JMJD7: variants seen among roughly 807,000 people sequenced by gnomAD.
The protein encoded by JMJD7 is jumonji domain containing 7.
JMJD7 carries 41 observed loss-of-function variants against 41.1 expected under a neutral mutation model. The ratio of observed to expected loss-of-function variants is 1.00; its 90% CI spans 0.78 to 1.30. JMJD7 has a LOEUF of 1.30. Ranked by LOEUF, JMJD7 falls within the 50% of genes most tolerant of loss-of-function variation. The pLI, the probability that JMJD7 is intolerant of heterozygous loss-of-function variation, is 0.00. For missense variants in JMJD7, 480 were observed against 420.7 expected (o/e 1.14, Z -1.23); for synonymous variants, 202 against 177.2 (o/e 1.14, Z -1.11).
chr15:41,836,755 C>T (rs75353815), intron 6 of JMJD7, 26 bp from the exon 7 acceptor site: 5 of 1,583,174 alleles, frequency 3.2e-6, no homozygotes, highest in Non-Finnish European at 4.3e-6. Flanking sequence ...TGGGGGGCTG[C>T]TCCCTGGCAT....
chr15:41,830,351 C>T (rs2065211667), intron 1 of JMJD7, among the ~76,000 whole-genome samples: 2 of 152,368 alleles, frequency 1.3e-5, no homozygotes, highest in South Asian at 2.1e-4. Flanking sequence ...CTACTAGGCT[C>T]ATTTGTTTGG....
intron 5 of JMJD7, 69 bp downstream of exon 5, chr15:41,836,312 C>G: frequency 6.3e-7 from 1 of 1,594,850 alleles, no homozygotes; most frequent in Non-Finnish European, 8.6e-7. Context: ...GCAGCAAGAG[C>G]CTGGGAGGCC....
chr15:41,836,250 G>A lies in JMJD7; in HGVS notation c.625+7G>A, dbSNP rs751232114. ...CGGCCCTTCATCCCCTATGGTAGGG[G>A]ATGTGGCCTGCAGGGAGGGGCTGGG... On this transcript the variant is annotated splice_region_variant and intron_variant, in intron 5 of 7. Transcript: ENST00000397299. The A allele has an allele frequency of 3.7e-6, 6 of 1,612,266 alleles. No homozygotes were observed. The South Asian group carries it at 6.6e-5, about 18-fold the overall frequency.
At chr15:41,835,944 A>G in intron 4 of JMJD7, 1 of 598,792 alleles carries the variant, frequency 1.7e-6, no homozygotes. Context: ...AGAGGAGTCC[A>G]GGGCCTGGTG....
intron 7 of JMJD7, 52 bp from the exon 8 acceptor site, chr15:41,837,016 G>C: frequency 6.2e-7 from 1 of 1,609,730 alleles, no homozygotes; most frequent in South Asian, 1.1e-5. Flanking sequence ...GGCTTGGGAG[G>C]CTCTAGGTCA....
intron 3 of JMJD7, 26 bp from the exon 4 acceptor site, chr15:41,835,562 C>T: frequency 8.7e-6 from 14 of 1,609,986 alleles, no homozygotes; most frequent in Non-Finnish European, 1.2e-5. Context: ...GCCTTCCTAA[C>T]TTGCTCTCTG....
intron 1 of JMJD7, among the ~76,000 whole-genome samples, chr15:41,828,784 C>T (rs1043235150): frequency 6.6e-6 from 1 of 152,154 alleles, no homozygotes; most frequent in Non-Finnish European, 1.5e-5. Context: ...TGCATTCTTA[C>T]AGAAAGATTG....
At chr15:41,828,442 C>G (rs184622952) in intron 1 of JMJD7, 1 of 395,650 alleles carries the variant, frequency 2.5e-6, no homozygotes, top group Non-Finnish European at 4.5e-6. Context: ...GTGTTTCCTA[C>G]AGTCTTGAGC....
chr15:41,836,251 A>T lies in JMJD7; in HGVS notation c.625+8A>T. The stretch of plus-strand genomic sequence containing the variant: ...GGCCCTTCATCCCCTATGGTAGGGG[A>T]TGTGGCCTGCAGGGAGGGGCTGGGG... On this transcript the variant is annotated splice_region_variant and intron_variant, in intron 5 of 7. Coordinates refer to ENST00000397299, the MANE Select transcript of JMJD7 (RefSeq NM_001114632.2). The T allele has an allele frequency of 6.2e-7, 1 of 1,611,904 alleles. No homozygotes were observed. Among genetic ancestry groups the T allele is most frequent in the Non-Finnish European group, 8.5e-7 (1 of 1,179,108 alleles).
chr15:41,828,395 C>A, intron 1 of JMJD7: 1 of 532,022 alleles, frequency 1.9e-6, no homozygotes, highest in Non-Finnish European at 3.0e-6. Context: ...GTTCCCAAGG[C>A]CCGGTGCCGT....
Position 41,833,414 on chromosome 15 carries a change from A to ATTT in JMJD7, c.65-1304_65-1302dup, listed in dbSNP as rs67111164. ...AATACATATATATATATATATATAT[A>ATTT]TTTTTTTTTTTTTTTTTTTTTTTTG... On this transcript the variant is annotated intron_variant, in intron 1 of 7. Transcript: ENST00000397299. Among the ~76,000 whole-genome samples the ATTT allele has an allele frequency of 2.2e-3, 72 of 32,016 alleles. 1 individual carries two copies. Among genetic ancestry groups the ATTT allele is most frequent in the East Asian group, 5.9e-3 (6 of 1,010 alleles). The allele number at this position is 32,016 out of a possible 152,430, so 21.0% of individuals were successfully genotyped here. A position where few individuals can be genotyped will look rare whatever the true frequency, so the allele number is the denominator to read the frequency against.
Position 41,828,451 on chromosome 15 carries a change from G to C in JMJD7, c.64+263G>C, listed in dbSNP as rs1596108865. On this transcript the variant is annotated intron_variant, in intron 1 of 7. Coordinates refer to ENST00000397299, the MANE Select transcript of JMJD7 (RefSeq NM_001114632.2). ...AGCCCTGTGTTTCCTACAGTCTTGA[G>C]CAGCTTGCTGTTACCCTTGTTGAAA... is the stretch of plus-strand genomic sequence containing the variant. 12 of 385,272 alleles carry C rather than the reference G, an allele frequency of 3.1e-5. No individual in the cohort carries two copies. In the Admixed American group the frequency reaches 5.1e-4, roughly 16 times the overall value. 23.9% of individuals were successfully genotyped at this position (385,272 alleles called of 1,614,324 possible). A position where few individuals can be genotyped will look rare whatever the true frequency, so the allele number is the denominator to read the frequency against.
At chr15:41,833,398 A>G (rs762847548) in intron 1 of JMJD7, among the ~76,000 whole-genome samples, 10 of 39,318 alleles carry the variant, frequency 2.5e-4, no homozygotes, top group Non-Finnish European at 5.8e-4. Flanking sequence ...AAATACATAT[A>G]TATATATATA....
chr15:41,833,414 A>ATATT (rs1239528383), intron 1 of JMJD7, among the ~76,000 whole-genome samples: 20 of 32,000 alleles, frequency 6.3e-4, no homozygotes, highest in Admixed American at 1.3e-3. Flanking sequence ...ATATATATAT[A>ATATT]TTTTTTTTTT....
intron 4 of JMJD7, 73 bp downstream of exon 4, chr15:41,835,717 T>G: frequency 1.9e-6 from 3 of 1,541,248 alleles, no homozygotes; most frequent in South Asian, 2.4e-5. Flanking sequence ...AGGCCAGGAG[T>G]GGAGGGATGG....
chr15:41,834,802 C>G lies in JMJD7; in HGVS notation c.127C>G (p.Arg43Gly), dbSNP rs772246091. 2.5e-6 allele frequency: 4 copies of G among 1,614,220 alleles called. No individual in the cohort carries two copies. In the East Asian group the frequency reaches 8.9e-5, roughly 36 times the overall value. ...DKPPTPLHFY[R>G]DWVCPNRPCI... is the part of the protein sequence containing the mutation. ...ACCCCCAACTCCGCTCCACTTCTACCGGGACTGGGTCTGCCCCAACAGGCC... is the reference window on the plus strand; with the variant it reads ...ACCCCCAACTCCGCTCCACTTCTACGGGGACTGGGTCTGCCCCAACAGGCC... Residue 43 changes from arginine (R) to glycine (G), a missense_variant, in exon 2 of 8, where the codon CGG becomes GGG. By Grantham distance (125) the Arg-to-Gly change is moderately radical (BLOSUM62 -2). Transcript: ENST00000397299.
chr15:41,837,013 G>A (rs2065332863), intron 7 of JMJD7, 55 bp from the exon 8 acceptor site: 21 of 1,609,684 alleles, frequency 1.3e-5, no homozygotes, highest in Non-Finnish European at 1.8e-5. Flanking sequence ...GGAGGCTTGG[G>A]AGGCTCTAGG....
chr15:41,831,712 G>A (rs557085989), intron 1 of JMJD7, among the ~76,000 whole-genome samples: 5 of 152,258 alleles, frequency 3.3e-5, no homozygotes, highest in African/African-American at 1.2e-4. Flanking sequence ...CCCTGGCTGC[G>A]GAGAGGAGCT....
At chr15:41,831,759 C>T (rs2065231752) in intron 1 of JMJD7, among the ~76,000 whole-genome samples, 2 of 152,162 alleles carry the variant, frequency 1.3e-5, no homozygotes, top group South Asian at 4.1e-4. Context: ...TCCTATGGCT[C>T]AGTAAAGCTC....
Sources: allele counts gnomAD v4.1 joint callset (sites outside exome capture counted in the v4.1 genomes callset), GRCh38; gene constraint gnomAD v4.1.1; transcripts MANE v1.5; gene names NCBI Gene and HGNC (gene_info 2026-07-23, HGNC 2026-07-21).